Variants in SNTG1 observed in about 807,000 individuals in gnomAD.
SNTG1 encodes syntrophin gamma 1, also known as gamma-1-syntrophin.
Under a neutral mutation model 74.7 loss-of-function variants are expected in SNTG1, and 39 were observed. That is an observed-to-expected ratio of 0.52 (90% CI 0.40 to 0.68). The LOEUF (loss-of-function observed/expected upper bound fraction) is 0.68, where lower values mean the gene tolerates loss of function less well. Ranked by LOEUF, SNTG1 falls within the 30% of genes least tolerant of loss-of-function variation. SNTG1 has a pLI of 0.00. For synonymous variants in SNTG1, 254 were observed against 217.1 expected, an observed-to-expected ratio of 1.17 and a Z score of -1.49; for missense variants, 685 against 609.5, an observed-to-expected ratio of 1.12 and a Z score of -1.30.
chr8:50,143,063 G>C (rs1373901999), intron 1 of SNTG1, among the ~76,000 whole-genome samples: 2 of 151,830 alleles, frequency 1.3e-5, no homozygotes, highest in Non-Finnish European at 2.9e-5. Flanking sequence ...GCCAGAGCAA[G>C]ACTCCATCTC....
chr8:50,240,896 C>A (rs1483162588), intron 2 of SNTG1, among the ~76,000 whole-genome samples: 1 of 152,120 alleles, frequency 6.6e-6, no homozygotes, highest in Non-Finnish European at 1.5e-5. Flanking sequence ...ATTTTTTAAT[C>A]TCAAGGTGAT....
At chr8:50,361,173 T>C (rs754661484) in intron 2 of SNTG1, among the ~76,000 whole-genome samples, 3 of 152,166 alleles carry the variant, frequency 2.0e-5, no homozygotes, top group African/African-American at 7.2e-5. Context: ...TGGAAACTAA[T>C]ACCCAAAGAC....
chr8:50,025,415 C>T (rs4144735), intron 1 of SNTG1, among the ~76,000 whole-genome samples: 80,763 of 151,870 alleles, frequency 0.53, 24,384 homozygotes, highest in East Asian at 0.8. Context: ...TTAAATTCAC[C>T]CTTCCAAAAA....
At chr8:50,489,967 C>T (rs1422337084) in intron 8 of SNTG1, among the ~76,000 whole-genome samples, 1 of 152,148 alleles carries the variant, frequency 6.6e-6, no homozygotes, top group Non-Finnish European at 1.5e-5. Context: ...GCAAGGGGTC[C>T]AGTTTCAGTG....
At chr8:49,979,262 C>T (rs924783615) in intron 1 of SNTG1, among the ~76,000 whole-genome samples, 1 of 152,162 alleles carries the variant, frequency 6.6e-6, no homozygotes, top group Admixed American at 6.5e-5. Context: ...GTGTCCTCCT[C>T]GGGGACTGCA....
At chr8:50,755,427 A>C (rs2095577966) in intron 18 of SNTG1, among the ~76,000 whole-genome samples, 1 of 151,836 alleles carries the variant, frequency 6.6e-6, no homozygotes, top group Non-Finnish European at 1.5e-5. Context: ...TCTTTTCATG[A>C]CTTAATAACT....
rs190053439 is a variant in SNTG1, at chr8:50,733,258, G to T, written c.1285-18743G>T. On this transcript the variant is annotated intron_variant, in intron 17 of 18. Transcript: ENST00000642720. ...CTATCCATGCTGTTGCAAAGGGAAAGATTTTATTCTTTTTTATGACCATGT... is the reference window on the plus strand; with the variant it reads ...CTATCCATGCTGTTGCAAAGGGAAATATTTTATTCTTTTTTATGACCATGT... Among the ~76,000 whole-genome samples the T allele has an allele frequency of 4.6e-5, 7 of 152,096 alleles. No individual in the cohort carries two copies. The East Asian group carries it at 1.2e-3, about 25-fold the overall frequency.
At chr8:49,992,366 T>G (rs1375508580) in intron 1 of SNTG1, among the ~76,000 whole-genome samples, 3 of 152,222 alleles carry the variant, frequency 2.0e-5, no homozygotes, top group Non-Finnish European at 4.4e-5. Context: ...GGCACTAACT[T>G]GGCAATTTTG....
At chr8:50,511,666 G>T (rs1405111970) in intron 9 of SNTG1, among the ~76,000 whole-genome samples, 1 of 152,184 alleles carries the variant, frequency 6.6e-6, no homozygotes, top group African/African-American at 2.4e-5. Context: ...TTACCATTAT[G>T]TAATGGCCTT....
At chr8:50,330,126 T>A (rs1211879981) in intron 2 of SNTG1, among the ~76,000 whole-genome samples, 1 of 152,190 alleles carries the variant, frequency 6.6e-6, no homozygotes, top group Admixed American at 6.5e-5. Context: ...TGGGACTCAG[T>A]TGGAAGTAAT....
At chr8:50,095,683 ATGT>A (rs1294196007) in intron 1 of SNTG1, among the ~76,000 whole-genome samples, 5 of 152,172 alleles carry the variant, frequency 3.3e-5, no homozygotes, top group Non-Finnish European at 5.9e-5. Flanking sequence ...ATGTACAGAA[ATGT>A]TGTACTAGAA....
intron 1 of SNTG1, among the ~76,000 whole-genome samples, chr8:50,155,018 CTATGAAAT>C (rs1298110649): frequency 6.6e-6 from 1 of 152,086 alleles, no homozygotes; most frequent in Non-Finnish European, 1.5e-5. Flanking sequence ...CAACTTTTTT[CTATGAAAT>C]TATTTCAAAG....
intron 2 of SNTG1, among the ~76,000 whole-genome samples, chr8:50,377,493 G>T (rs1253206348): frequency 2.0e-5 from 3 of 151,828 alleles, no homozygotes; most frequent in Non-Finnish European, 4.4e-5. Flanking sequence ...ACTCTTCACT[G>T]TGTTTGCAGT....
At chr8:50,242,928 T>C (rs893544125) in intron 2 of SNTG1, among the ~76,000 whole-genome samples, 1 of 152,050 alleles carries the variant, frequency 6.6e-6, no homozygotes, top group African/African-American at 2.4e-5. Context: ...ATAGAAATCA[T>C]GAAATTTTCT....
chr8:50,404,016 A>G (rs2092838633), intron 4 of SNTG1, among the ~76,000 whole-genome samples: 3 of 152,202 alleles, frequency 2.0e-5, no homozygotes, highest in African/African-American at 7.2e-5. Context: ...TTACTTGTAG[A>G]TTTCATGATG....
rs574788455 is a variant in SNTG1, at chr8:50,076,763, A to G, written c.-102-95798A>G. On this transcript the variant is annotated intron_variant, in intron 1 of 18. Coordinates refer to ENST00000642720, the MANE Select transcript of SNTG1 (RefSeq NM_018967.5). ...TTCCTTGGAAAAAAATAACTTTGCA[A>G]TAATCATTATAAATTATACCACTGC... 2.8e-4 allele frequency among the ~76,000 whole-genome samples: 43 copies of G among 152,304 alleles called. 2 individuals are homozygous for G. The South Asian group carries it at 8.9e-3, about 32-fold the overall frequency.
At position 49,994,844 on chromosome 8, in the gene SNTG1, G is replaced by A. The variant is rs574339516; in HGVS notation, c.-103+82613G>A. On this transcript the variant is annotated intron_variant, in intron 1 of 18. Transcript: ENST00000642720. The stretch of plus-strand genomic sequence containing the variant: ...TCAAAGGTAGAGAATTAAAGATAAT[G>A]GCTACTTTTTCATTTCATTTAGAAT... Among the ~76,000 whole-genome samples the A allele has an allele frequency of 2.6e-5, 4 of 152,036 alleles. No homozygotes were observed. The South Asian group carries it at 8.3e-4, about 32-fold the overall frequency.
intron 2 of SNTG1, among the ~76,000 whole-genome samples, chr8:50,371,841 AG>A (rs2092276554): frequency 6.6e-6 from 1 of 152,108 alleles, no homozygotes; most frequent in African/African-American, 2.4e-5. Context: ...ATTTTGTGTA[AG>A]TATAGCTACC....
Position 50,778,242 on chromosome 8 carries a change from G to A in SNTG1, c.1396-14429G>A, listed in dbSNP as rs553157644. ...CAGTAACAGGATGGCTGGGTCAAAT[G>A]GTATTTCCAGTTCTAGATCCCTGAG... On this transcript the variant is annotated intron_variant, in intron 18 of 18. Coordinates refer to ENST00000642720, the MANE Select transcript of SNTG1 (RefSeq NM_018967.5). Among the ~76,000 whole-genome samples, 26 of 152,238 alleles carry A rather than the reference G, an allele frequency of 1.7e-4. No homozygotes were observed. In the East Asian group the frequency reaches 4.8e-3, roughly 28 times the overall value.
Sources: gnomAD v4.1 joint callset for allele counts (sites outside exome capture counted in the v4.1 genomes callset) on GRCh38, gnomAD v4.1.1 for gene constraint, MANE v1.5 for transcripts, NCBI Gene and HGNC (gene_info 2026-07-23, HGNC 2026-07-21) for gene names.